Variants in TM7SF3 observed in about 807,000 individuals in gnomAD.
TM7SF3 encodes the protein seven span transmembrane protein.
TM7SF3 carries 60 observed loss-of-function variants against 65.5 expected under a neutral mutation model. The observed-to-expected ratio is 0.92, with a 90% CI of 0.74 to 1.14. The LOEUF (loss-of-function observed/expected upper bound fraction) is 1.14. TM7SF3 is among the 50% of genes most tolerant of loss of function. The pLI, the probability that TM7SF3 is intolerant of heterozygous loss-of-function variation, is 0.00. For synonymous variants in TM7SF3, 264 were observed against 259.6 expected, an observed-to-expected ratio of 1.02 and a Z score of -0.16; for missense variants, 623 against 684.8, an observed-to-expected ratio of 0.91 and a Z score of 1.01.
chr12:26,996,546 A>G (rs1460802273), intron 4 of TM7SF3, among the ~76,000 whole-genome samples, 196 bp downstream of exon 4: 2 of 152,250 alleles, frequency 1.3e-5, no homozygotes. Flanking sequence ...AGAGTTCACA[A>G]GAATGAAGTG....
At chr12:26,989,267 C>T (rs1940238308) in intron 6 of TM7SF3, among the ~76,000 whole-genome samples, 1 of 152,114 alleles carries the variant, frequency 6.6e-6, no homozygotes, top group South Asian at 2.1e-4. Flanking sequence ...GAAACCCCGA[C>T]TCTACTAAAA....
intron 1 of TM7SF3, chr12:27,012,609 T>A (rs1278810197): frequency 2.2e-6 from 1 of 455,942 alleles, no homozygotes; most frequent in Admixed American, 2.3e-5. Flanking sequence ...TTACATTTTA[T>A]ATTAACAAAC....
intron 5 of TM7SF3, among the ~76,000 whole-genome samples, chr12:26,993,837 T>A (rs1940477805): frequency 6.6e-6 from 1 of 152,272 alleles, no homozygotes; most frequent in African/African-American, 2.4e-5. Flanking sequence ...AAAGGCAAGC[T>A]AAATTTCTTT....
At chr12:26,985,806 GTTTTTTTTTT>G (rs149988617) in intron 6 of TM7SF3, among the ~76,000 whole-genome samples, 7 of 52,832 alleles carry the variant, frequency 1.3e-4, no homozygotes, top group East Asian at 6.7e-4. Context: ...TTTCTTTTTC[GTTTTTTTTTT>G]TTTTTTTTTT....
Position 26,999,550 on chromosome 12 carries a change from T to C in TM7SF3, c.373A>G (p.Ile125Val), listed in dbSNP as rs754284984. 13 of 1,614,140 alleles carry C rather than the reference T, an allele frequency of 8.1e-6. No individual in the cohort carries two copies. Among genetic ancestry groups the C allele is most frequent in the East Asian group, 6.7e-5 (3 of 44,882 alleles). Residue 125 changes from isoleucine (I) to valine (V), a missense_variant, in exon 3 of 12, where the codon ATC becomes GTC. Transcript: ENST00000343028. The stretch of plus-strand genomic sequence containing the variant: ...CCTCTTTCTGAGTAGGAGAGTAGGA[T>C]AGCCATATTCTGGACAGGCTGTATG... The part of the protein sequence containing the change: ...SGIQPVQNMA[I>V]LLSYSERDPV...
At position 26,999,611 on chromosome 12, in the gene TM7SF3, C is replaced by T. The variant is rs1592305084; in HGVS notation, c.312G>A (p.Glu104=). The T allele has an allele frequency of 1.2e-6, 2 of 1,614,142 alleles. No homozygotes were observed. The highest frequency in any genetic ancestry group is 2.2e-5 in the South Asian group (2 of 91,074). ...CCAAGTACCAAGTGCATGTACTCTG[C>T]TCTGGTCTAAGGATGAAAACCAGTC... The part of the protein sequence containing the change: ...ASGLVFILRP[E]QSTCTWYLGT... Residue 104 remains glutamate, a synonymous_variant, in exon 3 of 12, where the codon GAG becomes GAA. Transcript: ENST00000343028.
At chr12:26,975,441 T>TG in intron 11 of TM7SF3, 55 bp downstream of exon 11, 1 of 1,589,968 alleles carries the variant, frequency 6.3e-7, no homozygotes, top group African/African-American at 1.3e-5. Flanking sequence ...TTAGCATAGG[T>TG]GGGTCAAGAC....
chr12:27,011,447 C>T lies in TM7SF3; in HGVS notation c.91+2631G>A, dbSNP rs575538911. Among the ~76,000 whole-genome samples the T allele has an allele frequency of 3.9e-5, 6 of 152,278 alleles. No homozygotes were observed. In the South Asian group the frequency reaches 1.2e-3, roughly 32 times the overall value. ...GTGCCTACTGGTCACAGAAAGCACC[C>T]TCCTCAGACATTCTAGGAACTCCAT... is the stretch of plus-strand genomic sequence containing the variant. On this transcript the variant is annotated intron_variant, in intron 1 of 11. Coordinates refer to ENST00000343028, the MANE Select transcript of TM7SF3 (RefSeq NM_016551.3).
intron 9 of TM7SF3, chr12:26,977,890 C>G (rs1939640810): frequency 3.5e-6 from 1 of 283,504 alleles, no homozygotes; most frequent in Non-Finnish European, 7.0e-6. Context: ...ACTGCCTGAG[C>G]CCAGTTTAAG....
At chr12:27,013,757 A>G (rs900742589) in intron 1 of TM7SF3, among the ~76,000 whole-genome samples, 32 of 152,212 alleles carry the variant, frequency 2.1e-4, no homozygotes, top group Admixed American at 9.8e-4. Context: ...CTGGGCAGCA[A>G]AGAGGCGCTT....
intron 1 of TM7SF3, among the ~76,000 whole-genome samples, chr12:27,008,196 G>A (rs7978167): frequency 0.087 from 13,167 of 152,126 alleles, 857 homozygotes; most frequent in Admixed American, 0.2. Context: ...CAATTGCCCA[G>A]AAGTCTCACC....
chr12:27,006,412 C>T (rs1941039223), intron 1 of TM7SF3, among the ~76,000 whole-genome samples: 1 of 152,016 alleles, frequency 6.6e-6, no homozygotes, highest in South Asian at 2.1e-4. Context: ...GTTGGGATTA[C>T]AAGCATGAGC....
At chr12:26,985,804 T>C (rs1248750651) in intron 6 of TM7SF3, among the ~76,000 whole-genome samples, 1 of 122,244 alleles carries the variant, frequency 8.2e-6, no homozygotes, top group African/African-American at 3.0e-5. Flanking sequence ...AATTTCTTTT[T>C]CGTTTTTTTT....
At chr12:26,974,363 A>T in intron 11 of TM7SF3, 136 bp from the exon 12 acceptor site, 1 of 903,370 alleles carries the variant, frequency 1.1e-6, no homozygotes. Flanking sequence ...ACACATATGT[A>T]GTTCCTCAGT....
Position 26,971,760 on chromosome 12 carries a change from CTACAG to C in TM7SF3, c.*2200_*2204del, listed in dbSNP as rs1487035371. 3 of 152,102 alleles carry C rather than the reference CTACAG, an allele frequency of 2.0e-5. No individual in the cohort carries two copies. The highest frequency in any genetic ancestry group is 4.8e-5 in the African/African-American group (2 of 41,410). 9.4% of individuals were successfully genotyped at this position (152,102 alleles called of 1,614,324 possible). A position where few individuals can be genotyped will look rare whatever the true frequency, so the allele number is the denominator to read the frequency against. On this transcript the variant is annotated 3_prime_UTR_variant, in exon 12 of 12. Transcript: ENST00000343028. ...ACAAACATTCCATATAACTTTGTCC[CTACAG>C]TAAATAATTTTTTAAAACTTTTCAT...
chr12:27,011,885 T>C (rs533369237), intron 1 of TM7SF3, among the ~76,000 whole-genome samples: 1 of 152,344 alleles, frequency 6.6e-6, no homozygotes, highest in East Asian at 1.9e-4. Flanking sequence ...TCTCAATTTA[T>C]TCATATTTTT....
chr12:26,990,099 G>A (rs145719769), intron 6 of TM7SF3, among the ~76,000 whole-genome samples: 216 of 152,214 alleles, frequency 1.4e-3, no homozygotes, highest in Middle Eastern at 3.4e-3. Context: ...ACCCAGGTAC[G>A]TGCGTGGTGC....
chr12:27,000,365 G>A (rs1287421725), intron 2 of TM7SF3, among the ~76,000 whole-genome samples: 1 of 152,088 alleles, frequency 6.6e-6, no homozygotes, highest in African/African-American at 2.4e-5. Flanking sequence ...AGACCACTAG[G>A]ACAAAAACAT....
chr12:26,977,717 G>A (rs192892739), intron 9 of TM7SF3, among the ~76,000 whole-genome samples: 1 of 152,192 alleles, frequency 6.6e-6, no homozygotes, highest in Non-Finnish European at 1.5e-5. Flanking sequence ...CTGCGCGACT[G>A]CACTCTAGCC....
Sources: allele counts gnomAD v4.1 joint callset (sites outside exome capture counted in the v4.1 genomes callset), GRCh38; gene constraint gnomAD v4.1.1; transcripts MANE v1.5; gene names NCBI Gene and HGNC (gene_info 2026-07-23, HGNC 2026-07-21).